Variants in VPS35 observed in about 807,000 individuals in gnomAD.
VPS35 encodes the protein vacuolar protein sorting-associated protein 35.
VPS35 carries 21 observed loss-of-function variants against 98.1 expected under a neutral mutation model. The ratio of observed to expected loss-of-function variants is 0.21; its 90% CI spans 0.15 to 0.31. VPS35 has a LOEUF of 0.31. VPS35 is among the 10% of genes least tolerant of loss of function. The pLI is 1.00. For missense variants in VPS35, 554 were observed against 950.8 expected (o/e 0.58, Z 5.49); for synonymous variants, 268 against 318.2 (o/e 0.84, Z 1.68).
At position 46,657,032 on chromosome 16, in the gene VPS35, C is replaced by G. The variant is rs192572698; in HGVS notation, c.*3440G>C. 6.6e-6 allele frequency: 1 copy of G among 152,230 alleles called. No homozygotes were observed. The highest frequency in any genetic ancestry group is 6.5e-5 in the Admixed American group (1 of 15,276). The allele number at this position is 152,230 out of a possible 1,614,324, so 9.4% of individuals were successfully genotyped here. ...AAAAAATAAAATATACAGTCCCTCTCCAGAGATTTTGGAAGCATGGACCAT... is the reference window on the plus strand; with the variant it reads ...AAAAAATAAAATATACAGTCCCTCTGCAGAGATTTTGGAAGCATGGACCAT... On this transcript the variant is annotated 3_prime_UTR_variant, in exon 17 of 17. Coordinates refer to ENST00000299138, the MANE Select transcript of VPS35 (RefSeq NM_018206.6).
chr16:46,667,866 T>C (rs1966012094), intron 13 of VPS35, among the ~76,000 whole-genome samples: 1 of 152,242 alleles, frequency 6.6e-6, no homozygotes, highest in African/African-American at 2.4e-5. Flanking sequence ...TCTATTCTGT[T>C]CCATTGGTCT....
In VPS35 at chr16:46,660,188, TGTG is replaced by T. The variant is rs878915318; in HGVS notation, c.*281_*283del. On this transcript the variant is annotated 3_prime_UTR_variant, in exon 17 of 17. Transcript: ENST00000299138. ...AGCCAAGATAAGTGCTTGTGGGTTTTGTGTTTTTTTTTTTTTTTTTTTTTACAG... is the reference window on the plus strand; with the variant it reads ...AGCCAAGATAAGTGCTTGTGGGTTTTTTTTTTTTTTTTTTTTTTTTTACAG... The T allele has an allele frequency of 1.4e-3, 195 of 135,826 alleles. 11 individuals are homozygous for T. In the South Asian group the frequency reaches 0.017, roughly 12 times the overall value. The allele number at this position is 135,826 out of a possible 1,614,324, so 8.4% of individuals were successfully genotyped here.
At chr16:46,672,873 C>G (rs1966089175) in intron 10 of VPS35, among the ~76,000 whole-genome samples, 1 of 152,156 alleles carries the variant, frequency 6.6e-6, no homozygotes, top group Non-Finnish European at 1.5e-5. Flanking sequence ...CCATGCAAAA[C>G]CAGCAATTTG....
At chr16:46,668,492 C>T (rs1333421302) in intron 13 of VPS35, among the ~76,000 whole-genome samples, 1 of 152,004 alleles carries the variant, frequency 6.6e-6, no homozygotes, top group Non-Finnish European at 1.5e-5. Context: ...GTATTTTCTT[C>T]AAAACTACAC....
At chr16:46,662,866 G>T (rs945640037) in intron 14 of VPS35, 117 bp downstream of exon 14, 50 of 1,117,158 alleles carry the variant, frequency 4.5e-5, no homozygotes, top group Admixed American at 9.5e-5. Context: ...GTGGGAAGGT[G>T]GTAGTTACAC....
chr16:46,673,971 T>C (rs1478715040), intron 10 of VPS35: 8 of 244,370 alleles, frequency 3.3e-5, no homozygotes, highest in Admixed American at 3.1e-4. Flanking sequence ...TCATCAGCTA[T>C]TGTTAGTGTT....
At chr16:46,678,892 A>G (rs1966191240) in intron 6 of VPS35, 51 bp downstream of exon 6, 3 of 1,572,670 alleles carry the variant, frequency 1.9e-6, no homozygotes, top group Non-Finnish European at 2.6e-6. Flanking sequence ...TTTAAAAATC[A>G]GATTTCAGTT....
In VPS35 at chr16:46,680,654, G is replaced by C. The variant is rs761374705; in HGVS notation, c.506+17C>G. On this transcript the variant is annotated intron_variant, in intron 5 of 16. Transcript: ENST00000299138. Reference sequence around the variant, plus strand: ...GAAAGAAATATTGCAACAAAATTAAGAAAGAAAATCACTTACTCTGTTGGC... The same window carrying C: ...GAAAGAAATATTGCAACAAAATTAACAAAGAAAATCACTTACTCTGTTGGC... 8.7e-6 allele frequency: 14 copies of C among 1,611,970 alleles called. No individual in the cohort carries two copies. The Admixed American group carries it at 1.7e-4, about 19-fold the overall frequency.
intron 13 of VPS35, among the ~76,000 whole-genome samples, chr16:46,663,862 ATTTTTTTTTTT>A (rs546485076): frequency 2.0e-3 from 58 of 28,688 alleles, no homozygotes; most frequent in African/African-American, 5.5e-3. Context: ...CACCTGGCTA[ATTTTTTTTTTT>A]TTTTTTTTTT....
chr16:46,678,862 T>C lies in VPS35; in HGVS notation c.720+81A>G, dbSNP rs936260449. On this transcript the variant is annotated intron_variant, in intron 6 of 16. Coordinates refer to ENST00000299138, the MANE Select transcript of VPS35 (RefSeq NM_018206.6). ...TAAGATGTTTTTCAATGTACTATTG[T>C]ATAACAAAAATATTCTGATTTTAAA... The C allele has an allele frequency of 2.8e-6, 4 of 1,450,316 alleles. No homozygotes were observed. The African/African-American group carries it at 4.2e-5, about 15-fold the overall frequency. The allele number at this position is 1,450,316 out of a possible 1,614,324, so 89.8% of individuals were successfully genotyped here.
At chr16:46,687,480 A>G (rs1966335011) in intron 1 of VPS35, among the ~76,000 whole-genome samples, 1 of 152,130 alleles carries the variant, frequency 6.6e-6, no homozygotes, top group Non-Finnish European at 1.5e-5. Context: ...CACCCTCTTT[A>G]TAGTCTCAGT....
At chr16:46,676,775 A>G (rs1443022633) in intron 7 of VPS35, 83 bp from the exon 8 acceptor site, 8 of 950,956 alleles carry the variant, frequency 8.4e-6, no homozygotes, top group South Asian at 5.3e-5. Flanking sequence ...CATTTGTGGG[A>G]AAAAAACACT....
At chr16:46,671,251 A>G (rs1966064242) in intron 12 of VPS35, among the ~76,000 whole-genome samples, 2 of 152,338 alleles carry the variant, frequency 1.3e-5, no homozygotes, top group Non-Finnish European at 1.5e-5. Flanking sequence ...AAAATTAAAT[A>G]TAAGAATTGT....
rs900184358 is a variant in VPS35 at position 46,656,834 on chromosome 16, C to T, written c.*3638G>A. On this transcript the variant is annotated 3_prime_UTR_variant, in exon 17 of 17. Coordinates refer to ENST00000299138, the MANE Select transcript of VPS35 (RefSeq NM_018206.6). ...AGCCTGGCCAACATGGTGAAACCCC[C>T]ATCTGTACTAAAAATACAAAAATTA... The T allele has an allele frequency of 3.3e-5, 5 of 152,230 alleles. No individual in the cohort carries two copies. Among genetic ancestry groups the T allele is most frequent in the Admixed American group, 1.3e-4 (2 of 15,298 alleles). 9.4% of individuals were successfully genotyped at this position (152,230 alleles called of 1,614,324 possible).
chr16:46,669,179 A>ACATT, intron 12 of VPS35, 127 bp from the exon 13 acceptor site: 1 of 1,220,088 alleles, frequency 8.2e-7, no homozygotes, highest in Non-Finnish European at 1.2e-6. Context: ...ACTTTATGGT[A>ACATT]GGCAATTTAC....
At chr16:46,676,124 T>C (rs1966147408) in intron 8 of VPS35, among the ~76,000 whole-genome samples, 1 of 149,480 alleles carries the variant, frequency 6.7e-6, no homozygotes, top group Non-Finnish European at 1.5e-5. Flanking sequence ...ACTAAACATA[T>C]TTGATACTTA....
chr16:46,671,655 G>A (rs1966070387), intron 12 of VPS35, 50 bp downstream of exon 12: 1 of 1,610,802 alleles, frequency 6.2e-7, no homozygotes, highest in Non-Finnish European at 8.5e-7. Flanking sequence ...ACTTGAACAT[G>A]TGATTTCACT....
intron 6 of VPS35, among the ~76,000 whole-genome samples, chr16:46,678,096 G>A (rs1302925361): frequency 6.6e-6 from 1 of 152,148 alleles, no homozygotes; most frequent in Non-Finnish European, 1.5e-5. Context: ...TGTCCAGTCA[G>A]AGATCGGTAA....
At chr16:46,675,538 T>G (rs1286746958) in intron 8 of VPS35, among the ~76,000 whole-genome samples, 1 of 152,214 alleles carries the variant, frequency 6.6e-6, no homozygotes, top group Admixed American at 6.5e-5. Flanking sequence ...GTTACTAGCT[T>G]CCTTTAAGAG....
Sources: gnomAD v4.1 joint callset for allele counts (sites outside exome capture counted in the v4.1 genomes callset) on GRCh38, gnomAD v4.1.1 for gene constraint, MANE v1.5 for transcripts, NCBI Gene and HGNC (gene_info 2026-07-23, HGNC 2026-07-21) for gene names.